Variants in MYO5B observed in about 807,000 individuals in gnomAD.
MYO5B encodes unconventional myosin-Vb.
In MYO5B, 143 loss-of-function variants were observed where a neutral mutation model predicts 229.3. The ratio of observed to expected loss-of-function variants is 0.62; its 90% CI spans 0.54 to 0.72. MYO5B has a LOEUF of 0.72. Among genes scored for constraint, MYO5B ranks in the 30% least tolerant of loss-of-function variants. The probability of loss-of-function intolerance (pLI) is 0.00; values close to 1 mark genes in which losing one functional copy is unlikely to be tolerated. For synonymous variants in MYO5B, 918 were observed against 885.2 expected, an observed-to-expected ratio of 1.04 and a Z score of -0.66; for missense variants, 2,321 against 2,331.0, an observed-to-expected ratio of 1.00 and a Z score of 0.09.
At chr18:49,910,568 TAA>T (rs879465681) in intron 18 of MYO5B, among the ~76,000 whole-genome samples, 18 of 142,456 alleles carry the variant, frequency 1.3e-4, no homozygotes, top group Non-Finnish European at 1.4e-4. Flanking sequence ...TTACCCTGTT[TAA>T]AAAAAAAAAA....
At chr18:50,055,233 T>TCCCCCCC in intron 2 of MYO5B, 35 bp downstream of exon 2, 13 of 279,044 alleles carry the variant, frequency 4.7e-5, no homozygotes, top group Admixed American at 8.1e-5. Flanking sequence ...CTGCCCCACC[T>TCCCCCCC]CACCCCCGCC....
chr18:50,082,114 T>C (rs547315806), intron 1 of MYO5B, among the ~76,000 whole-genome samples: 8 of 152,334 alleles, frequency 5.3e-5, no homozygotes, highest in Middle Eastern at 3.4e-3. Flanking sequence ...TATCATAGAT[T>C]AAGGTAGCCT....
intron 17 of MYO5B, among the ~76,000 whole-genome samples, chr18:49,924,157 G>A (rs1392048250): frequency 6.6e-6 from 1 of 152,094 alleles, no homozygotes; most frequent in Non-Finnish European, 1.5e-5. Flanking sequence ...TCAGGTGGCC[G>A]CACATGTTGG....
At chr18:50,166,076 GAA>G (rs1348619020) in intron 1 of MYO5B, among the ~76,000 whole-genome samples, 1 of 152,144 alleles carries the variant, frequency 6.6e-6, no homozygotes, top group Non-Finnish European at 1.5e-5. Context: ...TCAGCAACCA[GAA>G]AAGTCATCAC....
intron 35 of MYO5B, among the ~76,000 whole-genome samples, chr18:49,840,904 T>G (rs1047275405): frequency 6.6e-6 from 1 of 152,232 alleles, no homozygotes; most frequent in African/African-American, 2.4e-5. Context: ...CACGTAGTTC[T>G]GATTATGGTG....
intron 37 of MYO5B, 102 bp from the exon 38 acceptor site, chr18:49,836,987 T>C (rs2023995188): frequency 1.8e-6 from 2 of 1,123,186 alleles, no homozygotes; most frequent in Non-Finnish European, 2.6e-6. Flanking sequence ...GCTAGTGCCA[T>C]TATTTATCTC....
chr18:50,043,476 TATATAAATATATTTTTATATATAA>T (rs1190200594), intron 2 of MYO5B, among the ~76,000 whole-genome samples: 1 of 86,436 alleles, frequency 1.2e-5, no homozygotes, highest in Admixed American at 1.3e-4. Flanking sequence ...TATATTTACA[TATATAAATATATTTTTATATATAA>T]ATATAAATAT....
At chr18:49,936,103 T>C (rs2025246383) in intron 16 of MYO5B, 149 bp downstream of exon 16, 8 of 719,072 alleles carry the variant, frequency 1.1e-5, no homozygotes, top group Non-Finnish European at 2.0e-5. Flanking sequence ...TCTGTCAGTC[T>C]GTCTGCAGCA....
At chr18:49,947,672 G>A (rs999122768) in intron 14 of MYO5B, among the ~76,000 whole-genome samples, 1 of 152,094 alleles carries the variant, frequency 6.6e-6, no homozygotes, top group African/African-American at 2.4e-5. Flanking sequence ...AGCCACCCGG[G>A]CATTTCTCAC....
At chr18:49,950,199 TCAC>T (rs1393910021) in intron 14 of MYO5B, among the ~76,000 whole-genome samples, 1 of 152,148 alleles carries the variant, frequency 6.6e-6, no homozygotes, top group Admixed American at 6.6e-5. Context: ...CCAGCCAACA[TCAC>T]CACATCTCAG....
chr18:49,991,236 T>C (rs1217213640), intron 6 of MYO5B, among the ~76,000 whole-genome samples: 1 of 152,044 alleles, frequency 6.6e-6, no homozygotes, highest in Non-Finnish European at 1.5e-5. Context: ...GGCAAAAGCA[T>C]GGGGAGCTGG....
At chr18:49,962,894 C>A (rs2025576464) in intron 11 of MYO5B, 55 bp downstream of exon 11, 9 of 1,453,580 alleles carry the variant, frequency 6.2e-6, no homozygotes, top group Middle Eastern at 3.5e-4. Flanking sequence ...CTGTCTGTCC[C>A]TCCCAGAGGA....
chr18:50,194,798 C>A lies in MYO5B; in HGVS notation c.-5G>T, dbSNP rs988885964. ...GTAGAGCTCGCCCACCGACATGGCC[C>A]GGGCCGGGCGGGGCTCGGGCCCCGG... On this transcript the variant is annotated 5_prime_UTR_variant, in exon 1 of 40. Transcript: ENST00000285039. The A allele has an allele frequency of 2.0e-5, 27 of 1,367,530 alleles. No homozygotes were observed. Among genetic ancestry groups the A allele is most frequent in the Non-Finnish European group, 2.4e-5 (25 of 1,063,420 alleles). 84.7% of individuals were successfully genotyped at this position (1,367,530 alleles called of 1,614,324 possible).
intron 22 of MYO5B, among the ~76,000 whole-genome samples, chr18:49,889,662 C>T (rs577842918): frequency 5.3e-5 from 8 of 152,208 alleles, no homozygotes; most frequent in Non-Finnish European, 2.9e-5. Flanking sequence ...CAAGACCCCT[C>T]GCCATCCTTT....
At chr18:49,928,673 G>C (rs116711898) in intron 17 of MYO5B, among the ~76,000 whole-genome samples, 8,464 of 152,248 alleles carry the variant, frequency 0.056, 264 homozygotes, top group South Asian at 0.15. Flanking sequence ...CACTGGCACA[G>C]GCATGTTAAT....
In MYO5B at chr18:49,849,672, G is replaced by C; in HGVS notation, c.4222-12C>G. On this transcript the variant is annotated splice_polypyrimidine_tract_variant and intron_variant, in intron 31 of 39. Transcript: ENST00000285039. The stretch of plus-strand genomic sequence containing the variant: ...AGTTCTTTAAGGTCCTGGAAGCAGA[G>C]GAAGCAGTGTGAGAACAGACATCAG... 6.2e-7 allele frequency: 1 copy of C among 1,604,120 alleles called. No individual in the cohort carries two copies. Among genetic ancestry groups the C allele is most frequent in the Non-Finnish European group, 8.5e-7 (1 of 1,171,424 alleles).
intron 1 of MYO5B, among the ~76,000 whole-genome samples, chr18:50,193,128 T>C (rs982694559): frequency 8.5e-5 from 13 of 152,344 alleles, no homozygotes; most frequent in Admixed American, 2.0e-4. Flanking sequence ...CAGCCTCCAG[T>C]CCCAGCTCCT....
chr18:50,093,958 G>A (rs1213875165), intron 1 of MYO5B, among the ~76,000 whole-genome samples: 1 of 152,130 alleles, frequency 6.6e-6, no homozygotes, highest in Non-Finnish European at 1.5e-5. Context: ...ATGTAATCAA[G>A]AAATAACCAT....
intron 2 of MYO5B, among the ~76,000 whole-genome samples, chr18:50,047,468 A>G (rs2030262982): frequency 6.6e-6 from 1 of 152,194 alleles, no homozygotes; most frequent in Non-Finnish European, 1.5e-5. Flanking sequence ...GTGGAGAAAT[A>G]GAAACACTTT....
Sources: allele counts gnomAD v4.1 joint callset (sites outside exome capture counted in the v4.1 genomes callset), GRCh38; gene constraint gnomAD v4.1.1; transcripts MANE v1.5; gene names NCBI Gene and HGNC (gene_info 2026-07-23, HGNC 2026-07-21).